The following MACF1 variants were observed in gnomAD, a reference collection of about 807,000 sequenced individuals.
MACF1 encodes the protein microtubule actin crosslinking factor 1, also known as microtubule-actin cross-linking factor 1.
A neutral mutation model predicts 854.8 loss-of-function variants in MACF1; 193 were observed. The observed-to-expected ratio is 0.23, with a 90% CI of 0.20 to 0.25. The LOEUF is 0.25. Among genes scored for constraint, MACF1 ranks in the 10% least tolerant of loss-of-function variants. The probability of loss-of-function intolerance (pLI) is 1.00; values close to 1 mark genes in which losing one functional copy is unlikely to be tolerated. For missense variants in MACF1, 7,722 were observed against 8,929.1 expected (o/e 0.86, Z 5.45); for synonymous variants, 3,185 against 3,226.7 (o/e 0.99, Z 0.44).
intron 1 of MACF1, among the ~76,000 whole-genome samples, chr1:39,212,303 C>T (rs1483773561): frequency 6.6e-6 from 1 of 152,188 alleles, no homozygotes; most frequent in Non-Finnish European, 1.5e-5. Context: ...AAGTCCTCTC[C>T]TCCATTGCAG....
intron 2 of MACF1, among the ~76,000 whole-genome samples, chr1:39,238,121 G>C (rs902382067): frequency 3.3e-5 from 5 of 152,178 alleles, no homozygotes; most frequent in African/African-American, 1.2e-4. Flanking sequence ...ACCGAGCTTT[G>C]ACTGCAGTTT....
intron 58 of MACF1, among the ~76,000 whole-genome samples, chr1:39,389,351 G>GTTTTTTTTTTT (rs10588247): frequency 1.4e-3 from 86 of 63,476 alleles, no homozygotes; most frequent in East Asian, 2.7e-3. Context: ...GTTTTTGTGT[G>GTTTTTTTTTTT]TTTTTTTTTT....
At chr1:39,419,986 A>G (rs774127199) in intron 58 of MACF1, among the ~76,000 whole-genome samples, 35 of 152,180 alleles carry the variant, frequency 2.3e-4, no homozygotes, top group Admixed American at 2.0e-4. Flanking sequence ...TTTCTGTGTC[A>G]TTTAAAGTGC....
intron 6 of MACF1, among the ~76,000 whole-genome samples, chr1:39,277,989 CT>C (rs34013801): frequency 0.023 from 3,430 of 152,276 alleles, 64 homozygotes; most frequent in Non-Finnish European, 0.037. Context: ...AAACATTCAG[CT>C]TCTGGGAATA....
chr1:39,346,279 A>G (rs554273072), intron 40 of MACF1, among the ~76,000 whole-genome samples: 2 of 151,310 alleles, frequency 1.3e-5, no homozygotes, highest in East Asian at 2.0e-4. Flanking sequence ...GGAGAATAGC[A>G]TGAACCTGGG....
Position 39,334,078 on chromosome 1 carries a change from T to C in MACF1, c.7490T>C (p.Leu2497Ser). 1.2e-6 allele frequency: 2 copies of C among 1,614,184 alleles called. No homozygotes were observed. Among genetic ancestry groups the C allele is most frequent in the Non-Finnish European group, 1.7e-6 (2 of 1,180,032 alleles). The change falls in exon 37 of 101, where the codon TTG (leucine) becomes TCG (serine). Residue 2497 changes from leucine to serine, a missense_variant. Coordinates refer to ENST00000564288, the MANE Select transcript of MACF1 (RefSeq NM_001394062.1). ...GLLEREEAVR[L>S]LTKQVVDGGI... is the part of the protein sequence containing the mutation. ...TTGGAGAGAGAGGAGGCCGTTCGTT[T>C]GTTGACTAAGCAAGTGGTAGATGGA...
intron 2 of MACF1, among the ~76,000 whole-genome samples, chr1:39,132,680 A>AT (rs1048332480): frequency 6.6e-5 from 10 of 151,786 alleles, no homozygotes; most frequent in South Asian, 4.2e-4. Context: ...AGAAATGGAT[A>AT]TTTTTTTTCA....
chr1:39,297,080 C>T (rs1202815583), intron 20 of MACF1, among the ~76,000 whole-genome samples: 5 of 151,898 alleles, frequency 3.3e-5, no homozygotes, highest in Admixed American at 1.3e-4. Flanking sequence ...CCCACCACCA[C>T]GCCCGGCTAA....
intron 6 of MACF1, among the ~76,000 whole-genome samples, chr1:39,263,647 A>G (rs1048691392): frequency 6.6e-6 from 1 of 151,816 alleles, no homozygotes; most frequent in Non-Finnish European, 1.5e-5. Flanking sequence ...ATTCCCATAC[A>G]TGCTTTTGTA....
chr1:39,447,284 T>A, intron 80 of MACF1, 148 bp from the exon 81 acceptor site: 1 of 711,084 alleles, frequency 1.4e-6, no homozygotes, highest in South Asian at 1.9e-5. Flanking sequence ...TCTTTACAAA[T>A]AAAGCATGTT....
intron 2 of MACF1, among the ~76,000 whole-genome samples, chr1:39,125,048 C>T (rs750951570): frequency 1.3e-5 from 2 of 152,206 alleles, no homozygotes; most frequent in African/African-American, 2.4e-5. Context: ...AGTCACTTGT[C>T]GTCTTTGGGC....
chr1:39,291,810 A>C, intron 15 of MACF1, 100 bp from the exon 16 acceptor site: 1 of 1,228,788 alleles, frequency 8.1e-7, no homozygotes, highest in South Asian at 1.6e-5. Context: ...CCTTTTGCTC[A>C]GTCCTCTACC....
At chr1:39,188,573 G>A (rs1177218192) in intron 2 of MACF1, among the ~76,000 whole-genome samples, 13 of 152,216 alleles carry the variant, frequency 8.5e-5, no homozygotes, top group Admixed American at 8.5e-4. Flanking sequence ...TCTGGGCCAA[G>A]TGGAGCAATT....
chr1:39,215,075 G>C (rs1644560143), intron 1 of MACF1, among the ~76,000 whole-genome samples: 1 of 152,116 alleles, frequency 6.6e-6, no homozygotes, highest in South Asian at 2.1e-4. Flanking sequence ...ACGCTCTATT[G>C]GTCTGGAAAC....
chr1:39,137,055 A>AT (rs1406882279), intron 2 of MACF1, among the ~76,000 whole-genome samples: 3 of 152,070 alleles, frequency 2.0e-5, no homozygotes, highest in Non-Finnish European at 4.4e-5. Flanking sequence ...AAAGTTTGTT[A>AT]TTTTTTTAAT....
intron 62 of MACF1, among the ~76,000 whole-genome samples, 162 bp downstream of exon 62, chr1:39,427,776 G>A (rs1166156654): frequency 6.6e-6 from 1 of 152,068 alleles, no homozygotes; most frequent in Non-Finnish European, 1.5e-5. Flanking sequence ...AATACAAATA[G>A]AAATTGACTG....
chr1:39,381,219 G>C (rs975026718), intron 55 of MACF1, among the ~76,000 whole-genome samples: 1 of 151,870 alleles, frequency 6.6e-6, no homozygotes. Context: ...CACCATGCCC[G>C]GCTAATTTTG....
intron 2 of MACF1, among the ~76,000 whole-genome samples, chr1:39,233,571 CCG>C (rs1644810825): frequency 1.3e-5 from 2 of 151,950 alleles, no homozygotes; most frequent in South Asian, 4.2e-4. Flanking sequence ...GTTCAGTAAA[CCG>C]TGGGTAAGGA....
intron 6 of MACF1, among the ~76,000 whole-genome samples, chr1:39,272,666 C>T (rs1215336337): frequency 1.3e-5 from 2 of 152,168 alleles, no homozygotes; most frequent in South Asian, 2.1e-4. Flanking sequence ...TAAACTTCAC[C>T]ATGGGTTTTG....
Sources: gnomAD v4.1 joint callset for allele counts (sites outside exome capture counted in the v4.1 genomes callset) on GRCh38, gnomAD v4.1.1 for gene constraint, MANE v1.5 for transcripts, NCBI Gene and HGNC (gene_info 2026-07-23, HGNC 2026-07-21) for gene names.